Variants in SPON2 observed in about 807,000 individuals in gnomAD.
The protein encoded by SPON2 is spondin-2.
SPON2 carries 32 observed loss-of-function variants against 29.9 expected under a neutral mutation model. That is an observed-to-expected ratio of 1.07 (90% CI 0.81 to 1.44). The LOEUF is 1.44. SPON2 is among the 40% of genes most tolerant of loss of function. The probability of loss-of-function intolerance (pLI) is 0.00; values close to 1 mark genes in which losing one functional copy is unlikely to be tolerated. For synonymous variants in SPON2, 248 were observed against 209.1 expected (o/e 1.19, Z -1.61); for missense variants, 541 against 455.5 (o/e 1.19, Z -1.71).
At chr4:1,198,707 G>A (rs1728127506), upstream of SPON2, among the ~76,000 whole-genome samples, 1 of 152,076 alleles carries the variant, frequency 6.6e-6, no homozygotes, top group South Asian at 2.1e-4. Flanking sequence ...ATGAAGGCCA[G>A]GCTTACGAGG....
intron 1 of SPON2, chr4:1,201,070 G>A (rs111886087): frequency 2.9e-5 from 13 of 452,738 alleles, no homozygotes; most frequent in African/African-American, 1.2e-4. Context: ...ACCCTGACGA[G>A]GTTGGCCTGG....
upstream of SPON2, among the ~76,000 whole-genome samples, chr4:1,198,047 C>A (rs1448189718): frequency 3.1e-3 from 427 of 137,498 alleles, no homozygotes; most frequent in Non-Finnish European, 3.5e-3. Context: ...GACTCTGTTT[C>A]AAAAAAAAAA....
intron 2 of SPON2, among the ~76,000 whole-genome samples, chr4:1,179,201 G>A (rs772270591): frequency 8.5e-5 from 13 of 152,140 alleles, no homozygotes; most frequent in African/African-American, 1.2e-4. Context: ...CTGGAAGCAC[G>A]ACTGCAGCCA....
intron 5 of SPON2, among the ~76,000 whole-genome samples, chr4:1,169,234 G>A (rs1421772024): frequency 1.3e-5 from 2 of 152,110 alleles, no homozygotes; most frequent in Middle Eastern, 3.2e-3. Context: ...CTCTGCCCAC[G>A]AGGGGCTCTT....
chr4:1,197,897 A>C (rs977384410), upstream of SPON2, among the ~76,000 whole-genome samples: 6 of 152,098 alleles, frequency 3.9e-5, no homozygotes, highest in Non-Finnish European at 7.4e-5. Context: ...AAAATACACA[A>C]ATTAGCCGGG....
chr4:1,170,070 T>C, intron 5 of SPON2: 1 of 285,438 alleles, frequency 3.5e-6, no homozygotes, highest in Non-Finnish European at 6.6e-6. Flanking sequence ...CACAGGGCCA[T>C]CCTAGCAAGC....
chr4:1,170,775 G>C (rs1424795679), intron 4 of SPON2, 199 bp from the exon 5 acceptor site: 1 of 945,874 alleles, frequency 1.1e-6, no homozygotes, highest in African/African-American at 1.6e-5. Flanking sequence ...GCCTCCTCGG[G>C]ACGCGCGTCC....
chr4:1,172,075 C>G lies in SPON2; in HGVS notation c.-3-1G>C. The G allele has an allele frequency of 6.2e-7, 1 of 1,610,336 alleles. No individual in the cohort carries two copies. Among genetic ancestry groups the G allele is most frequent in the Non-Finnish European group, 8.5e-7 (1 of 1,179,354 alleles). ...CGGCCGGGCTGGGGTTTTCCATCAC[C>G]TGGGAGCACAGAGGGGAGCAGCCGC... On this transcript the variant is annotated splice_acceptor_variant, in intron 1 of 5. Transcript: ENST00000290902. LOFTEE classifies it low-confidence loss of function (5UTR_SPLICE).
intron 1 of SPON2, among the ~76,000 whole-genome samples, chr4:1,186,047 A>G (rs1034281993): frequency 2.1e-3 from 312 of 149,956 alleles, no homozygotes; most frequent in African/African-American, 6.9e-3. Context: ...GATCGAGACC[A>G]TCCTGGCTAA....
At chr4:1,173,593 C>T (rs1486731267), upstream of SPON2, among the ~76,000 whole-genome samples, 4 of 152,350 alleles carry the variant, frequency 2.6e-5, no homozygotes, top group South Asian at 4.1e-4. Flanking sequence ...GAGGAAGGAG[C>T]TCGGGAATGG....
At chr4:1,201,135 C>T (rs754908828) in intron 1 of SPON2, 44 of 455,454 alleles carry the variant, frequency 9.7e-5, no homozygotes, top group South Asian at 3.4e-4. Flanking sequence ...CCACAGCCAG[C>T]GGGACCCAGA....
intron 1 of SPON2, among the ~76,000 whole-genome samples, chr4:1,184,886 G>A (rs752805416): frequency 1.1e-4 from 17 of 148,008 alleles, no homozygotes; most frequent in South Asian, 4.3e-4. Flanking sequence ...GCAGTGAGCC[G>A]AGATCTTGCC....
At position 1,182,932 on chromosome 4, in the gene SPON2, GA is replaced by G. The variant is rs971138756; in HGVS notation, c.-238-3392del. On this transcript the variant is annotated intron_variant, in intron 1 of 3. Transcript: ENST00000502483. ...GCTGATATATATTCTGAGTGTTCAA[GA>G]AAAAAAAAACTAAGGACTCTATATC... Among the ~76,000 whole-genome samples the G allele has an allele frequency of 1.5e-4, 22 of 148,536 alleles. No individual in the cohort carries two copies. In the Middle Eastern group the frequency reaches 0.01, roughly 70 times the overall value.
At chr4:1,177,995 C>G (rs1376821093), upstream of SPON2, among the ~76,000 whole-genome samples, 2 of 152,238 alleles carry the variant, frequency 1.3e-5, no homozygotes, top group Non-Finnish European at 2.9e-5. Flanking sequence ...ATCACACTTG[C>G]TTGTCCACTC....
intron 2 of SPON2, 49 bp downstream of exon 2, chr4:1,171,803 G>A (rs1447716377): frequency 2.9e-6 from 4 of 1,373,530 alleles, no homozygotes; most frequent in Non-Finnish European, 4.2e-6. Context: ...GGGCTCCGGC[G>A]CCGCAGCCCT....
chr4:1,182,914 T>C (rs961926948), intron 1 of SPON2, among the ~76,000 whole-genome samples: 1 of 152,022 alleles, frequency 6.6e-6, no homozygotes, highest in Non-Finnish European at 1.5e-5. Context: ...TGGGCTGATA[T>C]ATATTCTGAG....
chr4:1,171,213 C>T, intron 3 of SPON2, 23 bp from the exon 4 acceptor site: 1 of 1,462,030 alleles, frequency 6.8e-7, no homozygotes, highest in Non-Finnish European at 8.9e-7. Context: ...CGGCTCAGCG[C>T]GCCTGGCCCC....
chr4:1,206,651 G>C (rs1169955503), intron 1 of SPON2, among the ~76,000 whole-genome samples: 2 of 152,208 alleles, frequency 1.3e-5, no homozygotes, highest in Non-Finnish European at 2.9e-5. Context: ...GCCTCCCCAG[G>C]CTCAGCTCTG....
intron 4 of SPON2, 60 bp downstream of exon 4, chr4:1,170,939 C>T: frequency 6.5e-7 from 1 of 1,540,522 alleles, no homozygotes; most frequent in South Asian, 1.2e-5. Context: ...AGCCAGGCCC[C>T]AGCCCCGTCC....
Sources: gnomAD v4.1 joint callset for allele counts (sites outside exome capture counted in the v4.1 genomes callset) on GRCh38, gnomAD v4.1.1 for gene constraint, MANE v1.5 for transcripts, NCBI Gene and HGNC (gene_info 2026-07-23, HGNC 2026-07-21) for gene names.